CDH4: variants seen among roughly 807,000 people sequenced by gnomAD.
CDH4 encodes cadherin-4.
A neutral mutation model predicts 86.0 loss-of-function variants in CDH4; 33 were observed. The ratio of observed to expected loss-of-function variants is 0.38; its 90% CI spans 0.29 to 0.51. The LOEUF is 0.51. Ranked by LOEUF, CDH4 falls within the 20% of genes least tolerant of loss-of-function variation. The pLI is 0.86. For synonymous variants in CDH4, 555 were observed against 549.4 expected, an observed-to-expected ratio of 1.01 and a Z score of -0.14; for missense variants, 1,114 against 1,307.4, an observed-to-expected ratio of 0.85 and a Z score of 2.28.
chr20:61,390,280 T>C (rs1343924015), intron 2 of CDH4, among the ~76,000 whole-genome samples: 9 of 142,482 alleles, frequency 6.3e-5, no homozygotes, highest in South Asian at 4.9e-4. Flanking sequence ...GTGCCCATAG[T>C]GCCGTGTCTG....
chr20:61,535,891 A>G (rs946782364), intron 2 of CDH4, among the ~76,000 whole-genome samples: 4 of 152,104 alleles, frequency 2.6e-5, no homozygotes, highest in Non-Finnish European at 5.9e-5. Flanking sequence ...TCTAGGTTAG[A>G]CGCCCTTTGG....
At chr20:61,773,815 C>T (rs188402394) in intron 4 of CDH4, among the ~76,000 whole-genome samples, 40 of 152,322 alleles carry the variant, frequency 2.6e-4, no homozygotes, top group African/African-American at 8.9e-4. Context: ...GGAAAAGCCT[C>T]ACCCCACCCT....
chr20:61,708,428 A>T lies in CDH4; in HGVS notation c.170-35135A>T, dbSNP rs1195047741. 2.6e-5 allele frequency among the ~76,000 whole-genome samples: 4 copies of T among 151,828 alleles called. No homozygotes were observed. Among genetic ancestry groups the T allele is most frequent in the African/African-American group, 9.7e-5 (4 of 41,298 alleles). ...GGTCACAGACACAGGCTTCCCAGCC[A>T]GGGCGACTGCAGCATCCACCTCCTG... On this transcript the variant is annotated intron_variant, in intron 2 of 15. Coordinates refer to ENST00000614565, the MANE Select transcript of CDH4 (RefSeq NM_001794.5). This position sits in a 1 kb window ranked among gnomAD's most constrained non-coding sequence, Gnocchi z 4.5.
rs749694341 is a variant in CDH4 at position 61,420,868 on chromosome 20, G to A, written c.169+165931G>A. ...GGTGGCCCAGGTGTCCACGCACAGTGCACTGGTAAATGGAGTGTGGCATGT... is the reference window on the plus strand; with the variant it reads ...GGTGGCCCAGGTGTCCACGCACAGTACACTGGTAAATGGAGTGTGGCATGT... On this transcript the variant is annotated intron_variant, in intron 2 of 15. Coordinates refer to ENST00000614565, the MANE Select transcript of CDH4 (RefSeq NM_001794.5). Among the ~76,000 whole-genome samples, 132 of 152,364 alleles carry A rather than the reference G, an allele frequency of 8.7e-4. 5 individuals carry two copies. The highest frequency in any genetic ancestry group is 3.4e-3 in the Middle Eastern group (1 of 294).
At chr20:61,819,296 C>T (rs554272940) in intron 4 of CDH4, among the ~76,000 whole-genome samples, 1 of 152,250 alleles carries the variant, frequency 6.6e-6, no homozygotes, top group Non-Finnish European at 1.5e-5. Context: ...AAACTGCCCC[C>T]TTCTAAGAAA....
chr20:61,757,499 C>T (rs952441547), intron 3 of CDH4, among the ~76,000 whole-genome samples: 9 of 152,258 alleles, frequency 5.9e-5, no homozygotes, highest in African/African-American at 1.9e-4. Context: ...CCCAGGGCCC[C>T]AGGGGCAGTC....
At chr20:61,462,692 G>GGT (rs1278178196) in intron 2 of CDH4, among the ~76,000 whole-genome samples, 1 of 152,110 alleles carries the variant, frequency 6.6e-6, no homozygotes, top group Non-Finnish European at 1.5e-5. Context: ...TCCTTCCCTA[G>GGT]GTTTCATCCT....
chr20:61,702,159 G>T (rs986796778), intron 2 of CDH4, among the ~76,000 whole-genome samples: 4 of 152,310 alleles, frequency 2.6e-5, no homozygotes, highest in Admixed American at 2.0e-4. Flanking sequence ...CTGAGAGTTG[G>T]CCGAGAAGCA....
At chr20:61,818,912 G>A (rs1203539263) in intron 4 of CDH4, among the ~76,000 whole-genome samples, 1 of 152,120 alleles carries the variant, frequency 6.6e-6, no homozygotes, top group Admixed American at 6.5e-5. Flanking sequence ...CAGAGAGCAG[G>A]GGGCTCTCTC....
At chr20:61,478,714 G>A (rs752716284) in intron 2 of CDH4, among the ~76,000 whole-genome samples, 5 of 152,226 alleles carry the variant, frequency 3.3e-5, no homozygotes, top group East Asian at 1.9e-4. Context: ...TCACGGTGAC[G>A]TGAAAAATGC....
intron 2 of CDH4, among the ~76,000 whole-genome samples, chr20:61,383,007 G>A (rs1278424846): frequency 6.7e-6 from 1 of 148,246 alleles, no homozygotes; most frequent in East Asian, 1.9e-4. Context: ...TATCATGGTG[G>A]GGGAGTGTAT....
At chr20:61,458,162 A>G in intron 2 of CDH4, among the ~76,000 whole-genome samples, 2 of 147,456 alleles carry the variant, frequency 1.4e-5, no homozygotes, top group African/African-American at 2.5e-5. Context: ...GATGTTGATG[A>G]CAGTGCTGAT....
intron 2 of CDH4, among the ~76,000 whole-genome samples, chr20:61,318,560 A>T (rs112360239): frequency 0.015 from 2,238 of 152,176 alleles, 49 homozygotes; most frequent in African/African-American, 0.05. Context: ...GCTGGAGGCT[A>T]TGATGTGGGC....
intron 2 of CDH4, among the ~76,000 whole-genome samples, chr20:61,320,568 T>C (rs942310529): frequency 6.6e-6 from 1 of 151,810 alleles, no homozygotes; most frequent in Non-Finnish European, 1.5e-5. Context: ...CTTGGCAATA[T>C]CTGGAGACAT....
At chr20:61,882,979 G>A (rs892269335) in intron 7 of CDH4, among the ~76,000 whole-genome samples, 4 of 152,188 alleles carry the variant, frequency 2.6e-5, no homozygotes, top group Middle Eastern at 3.4e-3. Context: ...CTCTGTCCAC[G>A]CCCAGAAGCC....
At position 61,518,546 on chromosome 20, in the gene CDH4, A is replaced by G. The variant is rs1043257975; in HGVS notation, c.170-225017A>G. Among the ~76,000 whole-genome samples, 3 of 151,224 alleles carry G rather than the reference A, an allele frequency of 2.0e-5. No individual in the cohort carries two copies. The highest frequency in any genetic ancestry group is 7.3e-5 in the African/African-American group (3 of 41,030). Reference sequence around the variant, plus strand: ...TCATCCATCCATCTATCCATCATTCATCCATCATCCTTCTATTTGTCATCT... The same window carrying G: ...TCATCCATCCATCTATCCATCATTCGTCCATCATCCTTCTATTTGTCATCT... On this transcript the variant is annotated intron_variant, in intron 2 of 15. Coordinates refer to ENST00000614565, the MANE Select transcript of CDH4 (RefSeq NM_001794.5). This position sits in a 1 kb window ranked among gnomAD's most constrained non-coding sequence, Gnocchi z 6.3.
intron 4 of CDH4, among the ~76,000 whole-genome samples, chr20:61,784,561 A>G (rs866382063): frequency 6.2e-4 from 57 of 92,150 alleles, no homozygotes; most frequent in African/African-American, 2.4e-3. Context: ...TGTGCCCCCA[A>G]GAGAAATGTA....
intron 2 of CDH4, among the ~76,000 whole-genome samples, chr20:61,440,723 C>T (rs1034036876): frequency 6.6e-6 from 1 of 152,178 alleles, no homozygotes; most frequent in East Asian, 1.9e-4. Context: ...GCTTTCTTCT[C>T]GGCCCGTGGC....
At chr20:61,658,012 GA>G (rs1311784046) in intron 2 of CDH4, among the ~76,000 whole-genome samples, 6 of 152,048 alleles carry the variant, frequency 3.9e-5, no homozygotes, top group African/African-American at 1.4e-4. Flanking sequence ...TGGATTAAGG[GA>G]ACAGGGCCCC....
Sources: gnomAD v4.1 joint callset for allele counts (sites outside exome capture counted in the v4.1 genomes callset) on GRCh38, gnomAD v4.1.1 for gene constraint, Gnocchi (gnomAD v3.1) non-coding constraint, MANE v1.5 for transcripts, NCBI Gene and HGNC (gene_info 2026-07-23, HGNC 2026-07-21) for gene names.